Variants in SGCZ observed in about 807,000 individuals in gnomAD.
SGCZ encodes sarcoglycan zeta.
SGCZ carries 40 observed loss-of-function variants against 41.3 expected under a neutral mutation model. The observed-to-expected ratio is 0.97, with a 90% CI of 0.75 to 1.26. The LOEUF (loss-of-function observed/expected upper bound fraction) is 1.26, where lower values mean the gene tolerates loss of function less well. Ranked by LOEUF, SGCZ falls within the 50% of genes most tolerant of loss-of-function variation. SGCZ has a pLI of 0.00. For synonymous variants in SGCZ, 206 were observed against 137.5 expected, an observed-to-expected ratio of 1.50 and a Z score of -3.49; for missense variants, 552 against 369.8, an observed-to-expected ratio of 1.49 and a Z score of -4.04.
At chr8:14,610,219 G>T (rs73194122) in intron 1 of SGCZ, among the ~76,000 whole-genome samples, 1 of 152,032 alleles carries the variant, frequency 6.6e-6, no homozygotes, top group Non-Finnish European at 1.5e-5. Flanking sequence ...GAATCACCTT[G>T]ACCTAAAGAC....
At chr8:15,176,415 G>A (rs998856887) in intron 1 of SGCZ, among the ~76,000 whole-genome samples, 8 of 151,960 alleles carry the variant, frequency 5.3e-5, no homozygotes, top group East Asian at 1.9e-4. Context: ...GGCATTTGAC[G>A]GCAAATAGTC....
chr8:14,281,815 G>A (rs1470891512), intron 3 of SGCZ, among the ~76,000 whole-genome samples: 2 of 152,122 alleles, frequency 1.3e-5, no homozygotes, highest in East Asian at 1.9e-4. Context: ...ATATGTGTAT[G>A]TATATCTGGG....
chr8:14,204,145 T>A (rs1302506537), intron 4 of SGCZ, among the ~76,000 whole-genome samples: 16 of 152,008 alleles, frequency 1.1e-4, no homozygotes, highest in Admixed American at 1.0e-3. Context: ...TTTTTGGACC[T>A]TTGCCCCAGC....
chr8:14,327,491 C>T (rs1418341960), intron 2 of SGCZ, among the ~76,000 whole-genome samples: 38 of 152,106 alleles, frequency 2.5e-4, no homozygotes, highest in Admixed American at 2.2e-3. Flanking sequence ...CCTAATTTCA[C>T]TGGGAGACTA....
intron 1 of SGCZ, among the ~76,000 whole-genome samples, chr8:14,872,604 C>T (rs1804202275): frequency 6.6e-6 from 1 of 151,960 alleles, no homozygotes; most frequent in South Asian, 2.1e-4. Context: ...ATAGGAAGTT[C>T]TTTAAACCAC....
chr8:15,209,022 C>T (rs1435017746), intron 1 of SGCZ, among the ~76,000 whole-genome samples: 3 of 151,804 alleles, frequency 2.0e-5, no homozygotes, highest in Non-Finnish European at 2.9e-5. Context: ...TGGTAGAGGT[C>T]AAAGGAATCC....
chr8:14,106,192 A>G (rs1802196967), intron 6 of SGCZ, among the ~76,000 whole-genome samples: 1 of 152,244 alleles, frequency 6.6e-6, no homozygotes, highest in Admixed American at 6.5e-5. Context: ...GCTGGCTGCT[A>G]CAGCATTAAG....
chr8:14,214,676 A>G (rs981432910), intron 4 of SGCZ, among the ~76,000 whole-genome samples: 2 of 150,852 alleles, frequency 1.3e-5, no homozygotes, highest in Non-Finnish European at 3.0e-5. Context: ...AGTATGGAAA[A>G]TGTGTACCAT....
intron 2 of SGCZ, among the ~76,000 whole-genome samples, chr8:14,504,382 G>A (rs1802243294): frequency 6.6e-6 from 1 of 152,182 alleles, no homozygotes; most frequent in African/African-American, 2.4e-5. Flanking sequence ...CGTGATTAAG[G>A]AAACCTTCAT....
chr8:14,563,989 T>G (rs930228280), intron 1 of SGCZ, among the ~76,000 whole-genome samples: 1 of 152,234 alleles, frequency 6.6e-6, no homozygotes, highest in Non-Finnish European at 1.5e-5. Context: ...AATTATTTGC[T>G]CTTCTCACTC....
intron 3 of SGCZ, among the ~76,000 whole-genome samples, chr8:14,312,656 G>A (rs1801586804): frequency 6.6e-6 from 1 of 150,822 alleles, no homozygotes; most frequent in African/African-American, 2.5e-5. Context: ...AGAGGAAGAG[G>A]AAGAGGAGGA....
intron 2 of SGCZ, among the ~76,000 whole-genome samples, chr8:14,337,051 G>T (rs1802527980): frequency 6.6e-6 from 1 of 152,102 alleles, no homozygotes; most frequent in Non-Finnish European, 1.5e-5. Flanking sequence ...TGGGAGGACT[G>T]TGAGTGAGTA....
At chr8:14,457,027 A>G (rs756228641) in intron 2 of SGCZ, among the ~76,000 whole-genome samples, 8 of 152,242 alleles carry the variant, frequency 5.3e-5, no homozygotes, top group Non-Finnish European at 1.2e-4. Flanking sequence ...CAAGCCACCC[A>G]GGCACCGAGG....
At chr8:15,017,950 G>C (rs1041211217) in intron 1 of SGCZ, among the ~76,000 whole-genome samples, 7 of 151,990 alleles carry the variant, frequency 4.6e-5, no homozygotes, top group African/African-American at 1.7e-4. Flanking sequence ...GTCTGGTCTT[G>C]AACCCCTGGC....
At position 14,657,926 on chromosome 8, in the gene SGCZ, A is replaced by G. The variant is rs144609824; in HGVS notation, c.40-103000T>C. Among the ~76,000 whole-genome samples, 334 of 152,260 alleles carry G rather than the reference A, an allele frequency of 2.2e-3. 3 individuals are homozygous for G. Among genetic ancestry groups the G allele is most frequent in the African/African-American group, 7.8e-3 (324 of 41,564 alleles). ...TTGGATTTCAAATGTAGAATTATTTACTCCTTACCTTCTAAGGAATTTGAA... is the reference window on the plus strand; with the variant it reads ...TTGGATTTCAAATGTAGAATTATTTGCTCCTTACCTTCTAAGGAATTTGAA... On this transcript the variant is annotated intron_variant, in intron 1 of 7. Transcript: ENST00000382080.
chr8:14,565,122 G>C (rs1804319816), intron 1 of SGCZ, among the ~76,000 whole-genome samples: 1 of 152,124 alleles, frequency 6.6e-6, no homozygotes, highest in East Asian at 1.9e-4. Flanking sequence ...TGACAGAAAA[G>C]AGAAAACTGA....
chr8:15,160,404 G>A (rs1350680165), intron 1 of SGCZ, among the ~76,000 whole-genome samples: 1 of 152,062 alleles, frequency 6.6e-6, no homozygotes, highest in Non-Finnish European at 1.5e-5. Context: ...AGACTCTTGG[G>A]TGCTTCCACC....
In SGCZ at chr8:14,188,832, TTGTTTG is replaced by T. The variant is rs747157397; in HGVS notation, c.425-24136_425-24131del. On this transcript the variant is annotated intron_variant, in intron 4 of 7. Coordinates refer to ENST00000382080, the MANE Select transcript of SGCZ (RefSeq NM_139167.4). The stretch of plus-strand genomic sequence containing the variant: ...TGTTTGTTTGTTTCTTTGTTTTTTT[TTGTTTG>T]TTTGTTTTTTGAGATGGAGTTTCGC... Among the ~76,000 whole-genome samples the T allele has an allele frequency of 8.5e-4, 32 of 37,546 alleles. 1 individual carries two copies. Among genetic ancestry groups the T allele is most frequent in the African/African-American group, 2.8e-3 (29 of 10,456 alleles). The allele number at this position is 37,546 out of a possible 152,430, so 24.6% of individuals were successfully genotyped here. A position where few individuals can be genotyped will look rare whatever the true frequency, so the allele number is the denominator to read the frequency against.
At chr8:14,761,856 T>C (rs1799891560) in intron 1 of SGCZ, among the ~76,000 whole-genome samples, 2 of 152,078 alleles carry the variant, frequency 1.3e-5, no homozygotes, top group Non-Finnish European at 2.9e-5. Context: ...GTTTCTAATC[T>C]AGATAAGTTT....
Sources: gnomAD v4.1 joint callset for allele counts (sites outside exome capture counted in the v4.1 genomes callset) on GRCh38, gnomAD v4.1.1 for gene constraint, MANE v1.5 for transcripts, NCBI Gene and HGNC (gene_info 2026-07-23, HGNC 2026-07-21) for gene names.